GRIP1: variants seen among roughly 807,000 people sequenced by gnomAD.
The protein encoded by GRIP1 is glutamate receptor interacting protein 1.
Under a neutral mutation model 129.9 loss-of-function variants are expected in GRIP1, and 45 were observed. The ratio of observed to expected loss-of-function variants is 0.35; its 90% CI spans 0.27 to 0.44. The LOEUF (loss-of-function observed/expected upper bound fraction) is 0.44. GRIP1 is among the 20% of genes least tolerant of loss of function. GRIP1 has a pLI of 1.00. For synonymous variants in GRIP1, 530 were observed against 520.8 expected (o/e 1.02, Z -0.24); for missense variants, 1,196 against 1,396.8 (o/e 0.86, Z 2.29).
At chr12:67,059,866 A>G (rs1372182730) in intron 1 of GRIP1, among the ~76,000 whole-genome samples, 7 of 152,222 alleles carry the variant, frequency 4.6e-5, no homozygotes, top group South Asian at 4.1e-4. Context: ...CCAAGGTTAC[A>G]TAAGTACTGA....
intron 1 of GRIP1, among the ~76,000 whole-genome samples, chr12:67,006,715 G>T (rs964905213): frequency 1.1e-4 from 17 of 152,244 alleles, no homozygotes; most frequent in Admixed American, 1.0e-3. Context: ...TCCAAAGGGA[G>T]GGATGGAGGA....
intron 23 of GRIP1, among the ~76,000 whole-genome samples, chr12:66,355,281 CTG>C (rs1358382191): frequency 6.6e-6 from 1 of 151,856 alleles, no homozygotes; most frequent in Non-Finnish European, 1.5e-5. Flanking sequence ...GTTTTAGGGA[CTG>C]AGGATATTTT....
intron 1 of GRIP1, among the ~76,000 whole-genome samples, chr12:67,032,127 G>T (rs771545720): frequency 1.3e-5 from 2 of 152,012 alleles, no homozygotes; most frequent in Admixed American, 6.6e-5. Context: ...TAGGCTTTTC[G>T]TTGTCTTAGA....
chr12:66,576,230 A>T (rs1428361391), intron 2 of GRIP1, among the ~76,000 whole-genome samples: 1 of 152,204 alleles, frequency 6.6e-6, no homozygotes, highest in Non-Finnish European at 1.5e-5. Flanking sequence ...TTTTAGAAAG[A>T]TCTCTCATAA....
At chr12:66,583,567 A>G (rs972232050) in intron 2 of GRIP1, among the ~76,000 whole-genome samples, 3 of 136,420 alleles carry the variant, frequency 2.2e-5, no homozygotes, top group Non-Finnish European at 4.8e-5. Flanking sequence ...ACAAGAAAAA[A>G]ACAAACAACC....
chr12:66,793,557 C>G (rs2038607542), intron 1 of GRIP1, among the ~76,000 whole-genome samples: 1 of 152,180 alleles, frequency 6.6e-6, no homozygotes, highest in Admixed American at 6.5e-5. Flanking sequence ...GAAGAACATT[C>G]ACCTCATTAC....
At chr12:66,980,198 A>G (rs1478134219) in intron 1 of GRIP1, among the ~76,000 whole-genome samples, 1 of 152,330 alleles carries the variant, frequency 6.6e-6, no homozygotes, top group South Asian at 2.1e-4. Context: ...CCTCTGAAAA[A>G]GTATTTTGTA....
chr12:66,971,117 T>A (rs890619897), intron 1 of GRIP1, among the ~76,000 whole-genome samples: 2 of 152,172 alleles, frequency 1.3e-5, no homozygotes, highest in African/African-American at 4.8e-5. Context: ...CAGCAATTCA[T>A]CAAAATTACT....
chr12:66,626,415 A>G (rs1462668404), intron 1 of GRIP1, among the ~76,000 whole-genome samples: 2 of 152,100 alleles, frequency 1.3e-5, no homozygotes, highest in East Asian at 3.9e-4. Context: ...AAAAATCAAT[A>G]TATTTATAAC....
intron 1 of GRIP1, among the ~76,000 whole-genome samples, chr12:66,802,539 C>A (rs1003347982): frequency 2.0e-5 from 3 of 152,100 alleles, no homozygotes; most frequent in Non-Finnish European, 2.9e-5. Flanking sequence ...TATAAACTTA[C>A]AGAGTAATTC....
At chr12:66,493,168 G>T (rs1438442492) in intron 7 of GRIP1, among the ~76,000 whole-genome samples, 3 of 152,152 alleles carry the variant, frequency 2.0e-5, no homozygotes, top group Admixed American at 2.0e-4. Context: ...ATGGGCCTGG[G>T]CATTTTAAAT....
intron 14 of GRIP1, among the ~76,000 whole-genome samples, chr12:66,431,205 C>T (rs2058137560): frequency 6.6e-6 from 1 of 152,156 alleles, no homozygotes; most frequent in Non-Finnish European, 1.5e-5. Flanking sequence ...ACTATAGTGA[C>T]ATACCATCTT....
intron 1 of GRIP1, among the ~76,000 whole-genome samples, chr12:66,613,333 G>A (rs573562219): frequency 6.6e-6 from 1 of 152,234 alleles, no homozygotes; most frequent in East Asian, 1.9e-4. Flanking sequence ...ACCACTAACT[G>A]CACAAATCTG....
chr12:66,686,017 T>C (rs1793397703), intron 1 of GRIP1, among the ~76,000 whole-genome samples: 1 of 152,184 alleles, frequency 6.6e-6, no homozygotes, highest in Admixed American at 6.5e-5. Flanking sequence ...TTATATGCAA[T>C]ACTGTTTGTA....
intron 7 of GRIP1, among the ~76,000 whole-genome samples, chr12:66,509,527 G>GGA: frequency 6.6e-6 from 1 of 152,150 alleles, no homozygotes; most frequent in South Asian, 2.1e-4. Context: ...AGATGTTCAT[G>GGA]CTTTCCAAAG....
chr12:67,028,392 T>C lies in GRIP1; in HGVS notation c.58+40658A>G, dbSNP rs573609057. On this transcript the variant is annotated intron_variant, in intron 1 of 1. Coordinates refer to the GRIP1 transcript ENST00000643019. ...GAATAGAACGACTTTTAAATAGATGTATTTTTAGTAGTTTCTTCATGAGCA... is the reference window on the plus strand; with the variant it reads ...GAATAGAACGACTTTTAAATAGATGCATTTTTAGTAGTTTCTTCATGAGCA... Among the ~76,000 whole-genome samples the C allele has an allele frequency of 1.3e-3, 192 of 152,348 alleles. 1 individual carries two copies. Among genetic ancestry groups the C allele is most frequent in the African/African-American group, 4.5e-3 (188 of 41,582 alleles).
In GRIP1 at chr12:66,502,806, T is replaced by C. The variant is rs185063680; in HGVS notation, c.724+12813A>G. 5.5e-3 allele frequency among the ~76,000 whole-genome samples: 842 copies of C among 152,304 alleles called. 14 individuals carry two copies. Among genetic ancestry groups the C allele is most frequent in the Middle Eastern group, 0.01 (3 of 294 alleles). ...GAACTGTGGGCCAATTAAACCACTC[T>C]TCTTTATAAATTACCCAGTCTCAGG... On this transcript the variant is annotated intron_variant, in intron 7 of 24. Transcript: ENST00000359742.
chr12:66,402,648 G>A (rs2057044373), intron 16 of GRIP1, among the ~76,000 whole-genome samples: 1 of 152,158 alleles, frequency 6.6e-6, no homozygotes, highest in Admixed American at 6.5e-5. Context: ...GCAGTTAAAG[G>A]ACTGGAAAAC....
intron 1 of GRIP1, among the ~76,000 whole-genome samples, chr12:67,018,646 T>C (rs1453645451): frequency 6.6e-6 from 1 of 152,122 alleles, no homozygotes; most frequent in East Asian, 1.9e-4. Flanking sequence ...AGTCCATAGT[T>C]GGCTTTCAAA....
Sources: gnomAD v4.1 joint callset for allele counts (sites outside exome capture counted in the v4.1 genomes callset) on GRCh38, gnomAD v4.1.1 for gene constraint, MANE v1.5 for transcripts, NCBI Gene and HGNC (gene_info 2026-07-23, HGNC 2026-07-21) for gene names.